Variants in ANKRD45 observed in about 807,000 individuals in gnomAD.
The protein encoded by ANKRD45 is ankyrin repeat domain-containing protein 45.
Under a neutral mutation model 28.1 loss-of-function variants are expected in ANKRD45, and 21 were observed. The ratio of observed to expected loss-of-function variants is 0.75; its 90% CI spans 0.53 to 1.08. The LOEUF is 1.08. ANKRD45 is among the 50% of genes least tolerant of loss of function. The probability of loss-of-function intolerance (pLI) is 0.00; values close to 1 mark genes in which losing one functional copy is unlikely to be tolerated. For synonymous variants in ANKRD45, 86 were observed against 103.9 expected (o/e 0.83, Z 1.05); for missense variants, 261 against 308.7 (o/e 0.85, Z 1.16).
rs564950247 is a variant in ANKRD45 at position 173,651,353 on chromosome 1, C to A, written c.329-4340G>T. 3.5e-3 allele frequency among the ~76,000 whole-genome samples: 531 copies of A among 152,268 alleles called. 2 individuals carry two copies. Among genetic ancestry groups the A allele is most frequent in the African/African-American group, 0.012 (503 of 41,554 alleles). ...AGCACCATTTATTAAATAGGGAATTCTTTCCCCATTTCTTGTTTTTGTCGG... is the reference window on the plus strand; with the variant it reads ...AGCACCATTTATTAAATAGGGAATTATTTCCCCATTTCTTGTTTTTGTCGG... On this transcript the variant is annotated intron_variant, in intron 2 of 5. Transcript: ENST00000333279.
Position 173,609,317 on chromosome 1 carries a change from C to T in ANKRD45, c.*828G>A, listed in dbSNP as rs552027880. ...GACAAAGAAGAGAAAGCCATAAGAA[C>T]GAACAATAAGTGCTTTTTAAAAACC... On this transcript the variant is annotated 3_prime_UTR_variant, in exon 6 of 6. Coordinates refer to ENST00000333279, the MANE Select transcript of ANKRD45 (RefSeq NM_198493.3). Among the ~76,000 whole-genome samples the T allele has an allele frequency of 1.3e-5, 2 of 152,240 alleles. No individual in the cohort carries two copies. The highest frequency in any genetic ancestry group is 1.9e-4 in the East Asian group (1 of 5,178).
chr1:173,701,676 G>A, the ANKRD45 span, among the ~76,000 whole-genome samples: 3 of 152,108 alleles, frequency 2.0e-5, no homozygotes, highest in Admixed American at 6.5e-5. Flanking sequence ...TCGTGAGGTC[G>A]GGAGATGGGG....
chr1:173,657,320 T>C, intron 2 of ANKRD45: 1 of 323,038 alleles, frequency 3.1e-6, no homozygotes, highest in South Asian at 2.3e-5. Flanking sequence ...ATACGAAAAT[T>C]AGCCAGGCAT....
intron 3 of ANKRD45, among the ~76,000 whole-genome samples, chr1:173,630,750 G>A (rs964272566): frequency 6.8e-5 from 10 of 146,348 alleles, no homozygotes; most frequent in African/African-American, 2.0e-4. Flanking sequence ...AAGCCAGGAG[G>A]CAGAGGTTGC....
chr1:173,639,627 G>A (rs948361321), intron 3 of ANKRD45, among the ~76,000 whole-genome samples: 4 of 152,188 alleles, frequency 2.6e-5, no homozygotes, highest in African/African-American at 7.2e-5. Flanking sequence ...TGTCTAAAAT[G>A]TTAAGAAAAC....
chr1:173,688,058 T>C, the ANKRD45 span, among the ~76,000 whole-genome samples: 1 of 151,802 alleles, frequency 6.6e-6, no homozygotes, highest in East Asian at 1.9e-4. Flanking sequence ...TCGCTACAGA[T>C]TGAATGTATT....
the ANKRD45 span, among the ~76,000 whole-genome samples, chr1:173,697,652 G>A: frequency 6.6e-6 from 1 of 152,144 alleles, no homozygotes; most frequent in African/African-American, 2.4e-5. Flanking sequence ...CCTTACAAGA[G>A]CTCCTGAAGG....
At position 173,662,037 on chromosome 1, in the gene ANKRD45, C is replaced by A. The variant is rs952511391; in HGVS notation, c.-15-2604G>T. Among the ~76,000 whole-genome samples, 71 of 152,126 alleles carry A rather than the reference C, an allele frequency of 4.7e-4. 1 individual carries two copies. Among genetic ancestry groups the A allele is most frequent in the African/African-American group, 1.6e-3 (65 of 41,428 alleles). Reference sequence around the variant, plus strand: ...AGCATTCCAAAGCAGGGGTAAAAGGCCAGGGAGCAGATATTTTAGGCTTGT... The same window carrying A: ...AGCATTCCAAAGCAGGGGTAAAAGGACAGGGAGCAGATATTTTAGGCTTGT... On this transcript the variant is annotated intron_variant, in intron 1 of 5. Coordinates refer to ENST00000333279, the MANE Select transcript of ANKRD45 (RefSeq NM_198493.3).
the ANKRD45 span, chr1:173,714,824 C>T: frequency 1.3e-5 from 2 of 152,218 alleles, no homozygotes; most frequent in Non-Finnish European, 2.9e-5. Flanking sequence ...TCTGAGGTTA[C>T]CTGAATGCCC....
chr1:173,676,091 G>A, the ANKRD45 span, among the ~76,000 whole-genome samples: 1 of 151,984 alleles, frequency 6.6e-6, no homozygotes, highest in Non-Finnish European at 1.5e-5. Context: ...AAGGTACGAG[G>A]CCAATTTTTC....
the ANKRD45 span, among the ~76,000 whole-genome samples, chr1:173,679,429 A>C: frequency 2.0e-5 from 3 of 152,236 alleles, no homozygotes; most frequent in Non-Finnish European, 2.9e-5. Flanking sequence ...CAAACCTGAC[A>C]AAAACAAGAA....
Position 173,646,714 on chromosome 1 carries a change from T to C in ANKRD45, c.496+132A>G, listed in dbSNP as rs1668946850. 3 of 840,714 alleles carry C rather than the reference T, an allele frequency of 3.6e-6. No homozygotes were observed. In the East Asian group the frequency reaches 7.5e-5, roughly 21 times the overall value. The allele number at this position is 840,714 out of a possible 1,614,324, so 52.1% of individuals were successfully genotyped here. ...CAAAGAAAGAGGGGGAAATTTCATG[T>C]ATTATCACCAACTGTGACTGTGGTT... is the stretch of plus-strand genomic sequence containing the variant. On this transcript the variant is annotated intron_variant, in intron 3 of 5. Transcript: ENST00000333279.
chr1:173,637,051 A>C, intron 3 of ANKRD45: 2 of 1,432,962 alleles, frequency 1.4e-6, no homozygotes, highest in Non-Finnish European at 1.9e-6. Flanking sequence ...ATGCATATGC[A>C]AATGTAGCTT....
At chr1:173,703,931 T>C in the ANKRD45 span, among the ~76,000 whole-genome samples, 1 of 152,350 alleles carries the variant, frequency 6.6e-6, no homozygotes, top group South Asian at 2.1e-4. Context: ...GAAAATAGAT[T>C]TCAGTTGTTA....
At chr1:173,692,044 T>TGTGGAGCAGCTGATTGGAATGAGTTAGG in the ANKRD45 span, among the ~76,000 whole-genome samples, 2 of 152,020 alleles carry the variant, frequency 1.3e-5, no homozygotes, top group African/African-American at 4.8e-5. Flanking sequence ...AATGAGTTAG[T>TGTGGAGCAGCTGATTGGAATGAGTTAGG]GTGGAGCAGC....
chr1:173,632,672 C>G (rs1668246534), intron 3 of ANKRD45, among the ~76,000 whole-genome samples: 1 of 151,976 alleles, frequency 6.6e-6, no homozygotes, highest in Non-Finnish European at 1.5e-5. Flanking sequence ...ATCATCATGA[C>G]CAAGTGACAT....
the ANKRD45 span, among the ~76,000 whole-genome samples, chr1:173,699,654 A>G: frequency 6.6e-6 from 1 of 152,232 alleles, no homozygotes; most frequent in Non-Finnish European, 1.5e-5. Flanking sequence ...TAAATTAGGT[A>G]TTGATGGGAT....
chr1:173,686,595 T>C, the ANKRD45 span, among the ~76,000 whole-genome samples: 3 of 152,222 alleles, frequency 2.0e-5, no homozygotes, highest in African/African-American at 4.8e-5. Flanking sequence ...AGACTTAGTT[T>C]TGAGGGAAAG....
chr1:173,674,565 T>C (rs1403020338), upstream of ANKRD45, among the ~76,000 whole-genome samples: 1 of 152,060 alleles, frequency 6.6e-6, no homozygotes, highest in Non-Finnish European at 1.5e-5. Context: ...ACATGAGACA[T>C]TAATCAGCAT....
Sources: allele counts gnomAD v4.1 joint callset (sites outside exome capture counted in the v4.1 genomes callset), GRCh38; gene constraint gnomAD v4.1.1; transcripts MANE v1.5; gene names NCBI Gene and HGNC (gene_info 2026-07-23, HGNC 2026-07-21).